TLE4: variants seen among roughly 807,000 people sequenced by gnomAD.
The protein encoded by TLE4 is transducin-like enhancer protein 4.
A neutral mutation model predicts 92.8 loss-of-function variants in TLE4; 8 were observed. The ratio of observed to expected loss-of-function variants is 0.09; its 90% confidence interval spans 0.05 to 0.16. TLE4 has a LOEUF of 0.16. TLE4 is among the 10% of genes least tolerant of loss of function. The probability of loss-of-function intolerance (pLI) is 1.00; values close to 1 mark genes in which losing one functional copy is unlikely to be tolerated. For missense variants in TLE4, 675 were observed against 997.6 expected (o/e 0.68, Z 4.36); for synonymous variants, 371 against 374.1 (o/e 0.99, Z 0.10).
At chr9:79,596,805 C>T (rs2044145347) in intron 4 of TLE4, among the ~76,000 whole-genome samples, 1 of 152,152 alleles carries the variant, frequency 6.6e-6, no homozygotes, top group African/African-American at 2.4e-5. Context: ...CCATTCTTCC[C>T]ATTTCATGAT....
At chr9:79,702,690 T>C (rs1384440733) in intron 8 of TLE4, among the ~76,000 whole-genome samples, 14 of 152,186 alleles carry the variant, frequency 9.2e-5, no homozygotes, top group Admixed American at 8.5e-4. Flanking sequence ...AGTATTCATA[T>C]AAAACCTCAA....
intron 8 of TLE4, among the ~76,000 whole-genome samples, chr9:79,687,040 C>G (rs900676948): frequency 2.6e-5 from 4 of 152,208 alleles, no homozygotes; most frequent in Admixed American, 2.6e-4. Flanking sequence ...GTGGTGAAAA[C>G]CCTGAATAAA....
At chr9:79,721,046 G>A (rs1192193666) in intron 16 of TLE4, among the ~76,000 whole-genome samples, 2 of 152,206 alleles carry the variant, frequency 1.3e-5, no homozygotes, top group Non-Finnish European at 2.9e-5. Flanking sequence ...CAAGTCAGGT[G>A]TGTAAAAGAA....
At chr9:79,667,922 T>C (rs919845488) in intron 8 of TLE4, among the ~76,000 whole-genome samples, 2 of 152,260 alleles carry the variant, frequency 1.3e-5, no homozygotes, top group African/African-American at 4.8e-5. Flanking sequence ...TTTTATGCAC[T>C]TCCACAGTTG....
chr9:79,715,363 G>A (rs2136131297), intron 14 of TLE4, among the ~76,000 whole-genome samples: 1 of 151,652 alleles, frequency 6.6e-6, no homozygotes, highest in South Asian at 2.1e-4. Context: ...CTTTTTCTCG[G>A]CCATCATCCC....
Position 79,720,085 on chromosome 9 carries a change from G to A in TLE4, c.1630G>A (p.Asp544Asn). 6.2e-7 allele frequency: 1 copy of A among 1,613,804 alleles called. No individual in the cohort carries two copies. The highest frequency in any genetic ancestry group is 2.2e-5 in the East Asian group (1 of 44,846). Residue 544 changes from aspartate to asparagine, a missense_variant, in exon 16 of 20, where the codon GAT becomes AAT. Physicochemically the swap from Asp to Asn is conservative, Grantham distance 23 (BLOSUM62 1). This residue lies in a region of TLE4 where 170 missense variants were observed against 359.6 expected (regional missense o/e 0.47). Transcript: ENST00000376552. ...NYIRSCRLLP[D>N]GRTLIVGGEA... ...CATCCGTTCCTGCAGATTGCTCCCT[G>A]ATGGTCGCACCCTAATTGTTGGAGG... is the stretch of plus-strand genomic sequence containing the variant.
intron 1 of TLE4, 22 bp from the exon 2 acceptor site, chr9:79,573,667 A>G: frequency 3.2e-6 from 5 of 1,571,492 alleles, no homozygotes; most frequent in Non-Finnish European, 4.4e-6. Flanking sequence ...GGCTAATTAA[A>G]TATTTTATTG....
intron 8 of TLE4, among the ~76,000 whole-genome samples, chr9:79,655,404 T>C (rs923523977): frequency 7.9e-5 from 12 of 152,182 alleles, no homozygotes; most frequent in Non-Finnish European, 1.6e-4. Context: ...GTGCTAGCAC[T>C]TTGAATGCCT....
chr9:79,712,652 T>G (rs1287542443), intron 14 of TLE4, among the ~76,000 whole-genome samples: 1 of 152,238 alleles, frequency 6.6e-6, no homozygotes, highest in Non-Finnish European at 1.5e-5. Flanking sequence ...ATTAATAAAA[T>G]GGTGTTTATT....
chr9:79,586,624 A>G (rs2041170030), intron 4 of TLE4, among the ~76,000 whole-genome samples: 1 of 152,196 alleles, frequency 6.6e-6, no homozygotes, highest in African/African-American at 2.4e-5. Context: ...TGTCCCATCA[A>G]GGACCCTTTC....
chr9:79,661,799 TTGTA>T (rs1422584448), intron 8 of TLE4, among the ~76,000 whole-genome samples: 3 of 152,204 alleles, frequency 2.0e-5, no homozygotes, highest in African/African-American at 4.8e-5. Context: ...CCAATTATTT[TTGTA>T]TGTAATAAAT....
At chr9:79,702,153 T>C (rs2070110644) in intron 8 of TLE4, among the ~76,000 whole-genome samples, 1 of 152,182 alleles carries the variant, frequency 6.6e-6, no homozygotes, top group Admixed American at 6.5e-5. Context: ...CACTGGCTTA[T>C]AGTGCTGATG....
chr9:79,677,861 A>T (rs2063568572), intron 8 of TLE4, among the ~76,000 whole-genome samples: 1 of 152,026 alleles, frequency 6.6e-6, no homozygotes, highest in Admixed American at 6.6e-5. Flanking sequence ...GGTGTAAGAG[A>T]TTCTACACAT....
At chr9:79,629,317 AT>A (rs759946461) in intron 6 of TLE4, among the ~76,000 whole-genome samples, 44 of 152,260 alleles carry the variant, frequency 2.9e-4, no homozygotes, top group Middle Eastern at 3.4e-3. Context: ...GAGGGAAGAT[AT>A]AAAATCAGAA....
chr9:79,631,003 C>A (rs567921911), intron 6 of TLE4, among the ~76,000 whole-genome samples: 2 of 152,108 alleles, frequency 1.3e-5, no homozygotes, highest in Admixed American at 6.5e-5. Context: ...GAAATGTATG[C>A]GTTTGGAAAA....
At chr9:79,664,833 C>T (rs2061129914) in intron 8 of TLE4, among the ~76,000 whole-genome samples, 1 of 152,134 alleles carries the variant, frequency 6.6e-6, no homozygotes, top group Admixed American at 6.6e-5. Context: ...GTTTTGCTCA[C>T]CCTTGTCATT....
At chr9:79,648,109 A>G (rs1255857388) in intron 6 of TLE4, among the ~76,000 whole-genome samples, 4 of 152,138 alleles carry the variant, frequency 2.6e-5, no homozygotes, top group Non-Finnish European at 4.4e-5. Context: ...GGCTGATGCT[A>G]GTTTATGGAA....
intron 8 of TLE4, among the ~76,000 whole-genome samples, chr9:79,683,777 G>A (rs1194405479): frequency 2.0e-5 from 3 of 152,142 alleles, no homozygotes; most frequent in African/African-American, 7.2e-5. Flanking sequence ...CTCTAGCTTT[G>A]TGACCTTAAG....
chr9:79,610,067 A>G (rs965160657), intron 4 of TLE4, among the ~76,000 whole-genome samples: 15 of 152,046 alleles, frequency 9.9e-5, no homozygotes, highest in Non-Finnish European at 1.5e-5. Context: ...CCCAAAGCTG[A>G]AAAATACTTC....
Sources: gnomAD v4.1 joint callset for allele counts (sites outside exome capture counted in the v4.1 genomes callset) on GRCh38, gnomAD v4.1.1 for gene constraint, gnomAD v4.1.1 regional missense constraint, MANE v1.5 for transcripts, NCBI Gene and HGNC (gene_info 2026-07-23, HGNC 2026-07-21) for gene names.